The following AMZ1 variants were observed in gnomAD, a reference collection of about 807,000 sequenced individuals.
AMZ1 encodes the protein archaemetzincin-1.
Under a neutral mutation model 29.9 loss-of-function variants are expected in AMZ1, and 39 were observed. The ratio of observed to expected loss-of-function variants is 1.30; its 90% CI spans 1.01 to 1.70. The LOEUF is 1.70. AMZ1 is among the 40% of genes most tolerant of loss of function. The probability of loss-of-function intolerance (pLI) is 0.00; values close to 1 mark genes in which losing one functional copy is unlikely to be tolerated. For synonymous variants in AMZ1, 458 were observed against 304.0 expected (o/e 1.51, Z -5.27); for missense variants, 1,041 against 680.6 (o/e 1.53, Z -5.89).
At chr7:2,683,409 C>A (rs1193752052), upstream of AMZ1, among the ~76,000 whole-genome samples, 1 of 152,056 alleles carries the variant, frequency 6.6e-6, no homozygotes, top group African/African-American at 2.4e-5. Context: ...GTGTCTTCAA[C>A]TTTCTGTTTT....
At chr7:2,697,068 C>T (rs76308098) in intron 1 of AMZ1, among the ~76,000 whole-genome samples, 4 of 152,080 alleles carry the variant, frequency 2.6e-5, no homozygotes, top group Admixed American at 2.0e-4. Context: ...ATGTTCATTA[C>T]GGCGTTTTTG....
At chr7:2,680,043 G>T (rs1475766788) in intron 1 of AMZ1, among the ~76,000 whole-genome samples, 1 of 152,184 alleles carries the variant, frequency 6.6e-6, no homozygotes, top group East Asian at 1.9e-4. Context: ...TCTTTGAAAG[G>T]CTTCCTGTTG....
intron 4 of AMZ1, among the ~76,000 whole-genome samples, chr7:2,732,570 C>T (rs1032483335): frequency 6.6e-6 from 1 of 152,048 alleles, no homozygotes; most frequent in Admixed American, 6.6e-5. Flanking sequence ...CAAAACAGAA[C>T]AAAAAACCAA....
chr7:2,709,849 G>A (rs775053095), intron 6 of AMZ1, 33 bp downstream of exon 6: 44 of 1,605,882 alleles, frequency 2.7e-5, no homozygotes, highest in Admixed American at 5.1e-5. Context: ...CCGGCTGCTG[G>A]GACCTGCGCT....
At position 2,712,388 on chromosome 7, in the gene AMZ1, A is replaced by G; in HGVS notation, c.1007A>G (p.Glu336Gly). 6.2e-7 allele frequency: 1 copy of G among 1,609,308 alleles called. No homozygotes were observed. The highest frequency in any genetic ancestry group is 8.5e-7 in the Non-Finnish European group (1 of 1,178,194). The stretch of plus-strand genomic sequence containing the variant: ...ACGTGGCCCAGCCAGGAGGCGGGGG[A>G]GCCGTCAGTGTGGGAGGACACCCCG... ...VGTWPSQEAGEPSVWEDTPPA... is the reference protein window; with the variant it reads ...VGTWPSQEAGGPSVWEDTPPA... Residue 336 changes from glutamate to glycine, a missense_variant, in exon 7 of 7, where the codon GAG (glutamate) becomes GGG (glycine). Transcript: ENST00000683327.
chr7:2,732,939 C>T (rs1429757442), intron 4 of AMZ1, among the ~76,000 whole-genome samples: 1 of 152,192 alleles, frequency 6.6e-6, no homozygotes, highest in Non-Finnish European at 1.5e-5. Flanking sequence ...AATGAGACAA[C>T]AGGGAAAATC....
intron 4 of AMZ1, among the ~76,000 whole-genome samples, chr7:2,748,496 C>A (rs865783533): frequency 1.0e-3 from 152 of 149,748 alleles, no homozygotes; most frequent in Middle Eastern, 6.9e-3. Flanking sequence ...TTACACCTTA[C>A]ACAAAAATTA....
Position 2,702,678 on chromosome 7 carries a change from C to T in AMZ1, c.305-44C>T, listed in dbSNP as rs540358146. 5.4e-5 allele frequency: 80 copies of T among 1,484,744 alleles called. No homozygotes were observed. In the Middle Eastern group the frequency reaches 9.4e-4, roughly 18 times the overall value. 92.0% of individuals were successfully genotyped at this position (1,484,744 alleles called of 1,614,324 possible). A position where few individuals can be genotyped will look rare whatever the true frequency, so the allele number is the denominator to read the frequency against. Reference sequence around the variant, plus strand: ...TGATTCCCGGGGAGAGGGTCCCAGGCGGGCAGGGGCGTCGCAGGGCTGACG... The same window carrying T: ...TGATTCCCGGGGAGAGGGTCCCAGGTGGGCAGGGGCGTCGCAGGGCTGACG... On this transcript the variant is annotated intron_variant, in intron 2 of 6. Coordinates refer to ENST00000683327, the MANE Select transcript of AMZ1 (RefSeq NM_001384743.1).
upstream of AMZ1, among the ~76,000 whole-genome samples, chr7:2,683,922 A>G (rs1435056035): frequency 6.6e-6 from 1 of 151,960 alleles, no homozygotes; most frequent in African/African-American, 2.4e-5. Flanking sequence ...TCATGCCTAT[A>G]ATCCCAGCAC....
intron 1 of AMZ1, among the ~76,000 whole-genome samples, chr7:2,690,242 A>T (rs868164889): frequency 2.0e-5 from 3 of 152,100 alleles, no homozygotes; most frequent in Non-Finnish European, 2.9e-5. Flanking sequence ...ACAGACAGAC[A>T]GGGTCTTGCT....
downstream of AMZ1, among the ~76,000 whole-genome samples, chr7:2,723,181 GA>G (rs532708708): frequency 5.1e-4 from 78 of 152,336 alleles, no homozygotes; most frequent in African/African-American, 1.8e-3. Flanking sequence ...AAGCACCACA[GA>G]GTGTACAGCC....
intron 1 of AMZ1, among the ~76,000 whole-genome samples, chr7:2,691,128 AG>A (rs1200211132): frequency 1.2e-4 from 10 of 86,508 alleles, no homozygotes; most frequent in African/African-American, 5.0e-4. Context: ...TGGGTGACAG[AG>A]GCAAAAAAAA....
At chr7:2,681,528 T>G (rs1786883699) in intron 1 of AMZ1, among the ~76,000 whole-genome samples, 1 of 152,156 alleles carries the variant, frequency 6.6e-6, no homozygotes, top group Non-Finnish European at 1.5e-5. Context: ...CTCAAAGTGC[T>G]GGGATTACAG....
At chr7:2,706,915 G>A (rs141359383) in intron 3 of AMZ1, among the ~76,000 whole-genome samples, 184 of 149,106 alleles carry the variant, frequency 1.2e-3, no homozygotes, top group African/African-American at 4.3e-3. Flanking sequence ...AGCCCAGGAG[G>A]TGGAGACTGC....
Position 2,712,407 on chromosome 7 carries a change from C to CGGCT in AMZ1, c.1026_1027insGGCT (p.Thr343GlyfsTer14). On this transcript the variant is annotated frameshift_variant, in exon 7 of 7. Transcript: ENST00000683327. LOFTEE classifies it low-confidence loss of function (END_TRUNC). ...CGGGGGAGCCGTCAGTGTGGGAGGA[C>CGGCT]ACCCCGCCTGCCAGCGCCGACTCGG... is the stretch of plus-strand genomic sequence containing the variant. 1 of 1,611,184 alleles carries CGGCT rather than the reference C, an allele frequency of 6.2e-7. No individual in the cohort carries two copies. Among genetic ancestry groups the CGGCT allele is most frequent in the Non-Finnish European group, 8.5e-7 (1 of 1,179,364 alleles).
intron 4 of AMZ1, among the ~76,000 whole-genome samples, chr7:2,741,349 T>C (rs879238748): frequency 1.3e-4 from 20 of 152,162 alleles, no homozygotes; most frequent in Middle Eastern, 3.4e-3. Flanking sequence ...AGTGAGACAC[T>C]GTCTCTTAAA....
chr7:2,714,946 C>T lies in AMZ1; in HGVS notation c.*2068C>T, dbSNP rs1233665760. The stretch of plus-strand genomic sequence containing the variant: ...TGATTTCAGAGAAGCTCAGATGTAG[C>T]ATTAGGACCTTCATCCATACCCTTC... On this transcript the variant is annotated 3_prime_UTR_variant, in exon 7 of 7. Transcript: ENST00000683327. 1 of 152,250 alleles carries T rather than the reference C, an allele frequency of 6.6e-6. No homozygotes were observed. The highest frequency in any genetic ancestry group is 1.5e-5 in the Non-Finnish European group (1 of 68,030). 9.4% of individuals were successfully genotyped at this position (152,250 alleles called of 1,614,324 possible).
intron 1 of AMZ1, among the ~76,000 whole-genome samples, chr7:2,696,013 G>GGAA (rs1554246491): frequency 9.3e-6 from 1 of 107,148 alleles, no homozygotes; most frequent in Non-Finnish European, 2.1e-5. Flanking sequence ...TCTTGGGGGG[G>GGAA]AAAAAAAAAA....
Position 2,708,677 on chromosome 7 carries a change from G to A in AMZ1, c.562G>A (p.Ala188Thr). The change falls in exon 4 of 7, where the codon GCC (alanine) becomes ACC (threonine). Residue 188 changes from alanine (A) to threonine (T), a missense_variant. Ala to Thr is a moderately conservative substitution (Grantham distance 58, BLOSUM62 0). Transcript: ENST00000683327. ...ACTGTCTGACCTGTACCCCCATGAG[G>A]CCTGGAGCTTCACCTTCAGCAAGTT... The part of the protein sequence containing the change: ...LTLSDLYPHE[A>T]WSFTFSKFLP... The A allele has an allele frequency of 6.2e-7, 1 of 1,613,130 alleles. No homozygotes were observed. Among genetic ancestry groups the A allele is most frequent in the African/African-American group, 1.3e-5 (1 of 75,040 alleles).
Sources: allele counts gnomAD v4.1 joint callset (sites outside exome capture counted in the v4.1 genomes callset), GRCh38; gene constraint gnomAD v4.1.1; transcripts MANE v1.5; gene names NCBI Gene and HGNC (gene_info 2026-07-23, HGNC 2026-07-21).